RNF150: variants seen among roughly 807,000 people sequenced by gnomAD.
The protein encoded by RNF150 is ring finger protein 150.
RNF150 carries 24 observed loss-of-function variants against 39.3 expected under a neutral mutation model. That is an observed-to-expected ratio of 0.61 (90% CI 0.44 to 0.86). RNF150 has a LOEUF of 0.86. Among genes scored for constraint, RNF150 ranks in the 40% least tolerant of loss-of-function variants. The pLI is 0.00. For missense variants in RNF150, 502 were observed against 587.8 expected (o/e 0.85, Z 1.51); for synonymous variants, 255 against 227.3 (o/e 1.12, Z -1.10).
At chr4:140,911,720 C>T (rs1194790449) in intron 5 of RNF150, among the ~76,000 whole-genome samples, 2 of 152,120 alleles carry the variant, frequency 1.3e-5, no homozygotes, top group African/African-American at 4.8e-5. Flanking sequence ...TTATTCCACA[C>T]CTAGAATGTA....
At chr4:141,081,649 C>T (rs1445497690) in intron 1 of RNF150, among the ~76,000 whole-genome samples, 2 of 152,114 alleles carry the variant, frequency 1.3e-5, no homozygotes, top group African/African-American at 4.8e-5. Context: ...GTGAGGTCCA[C>T]AATATTTTAG....
At chr4:141,118,155 C>A (rs1366826640) in intron 1 of RNF150, among the ~76,000 whole-genome samples, 1 of 152,100 alleles carries the variant, frequency 6.6e-6, no homozygotes, top group Admixed American at 6.6e-5. Flanking sequence ...AGTGTCAGAC[C>A]CGTTACATGG....
chr4:141,046,196 T>C (rs1736568770), intron 1 of RNF150, among the ~76,000 whole-genome samples: 1 of 152,196 alleles, frequency 6.6e-6, no homozygotes, highest in African/African-American at 2.4e-5. Flanking sequence ...AATACAAGCT[T>C]GGTCTGACTG....
At chr4:140,982,588 C>T (rs75407765) in intron 1 of RNF150, among the ~76,000 whole-genome samples, 1 of 142,146 alleles carries the variant, frequency 7.0e-6, no homozygotes, top group Non-Finnish European at 1.5e-5. Context: ...ACTAACAAAA[C>T]CTTGCAGGTC....
At chr4:140,970,976 C>G (rs1277604475) in intron 1 of RNF150, among the ~76,000 whole-genome samples, 2 of 151,750 alleles carry the variant, frequency 1.3e-5, no homozygotes, top group East Asian at 3.9e-4. Flanking sequence ...TGTATTTATC[C>G]TAATAGAAAC....
chr4:141,084,067 T>G (rs914381303), intron 1 of RNF150, among the ~76,000 whole-genome samples: 4 of 152,230 alleles, frequency 2.6e-5, no homozygotes, highest in Non-Finnish European at 5.9e-5. Flanking sequence ...GAATGCATAT[T>G]CAAATAGAAT....
intron 1 of RNF150, among the ~76,000 whole-genome samples, chr4:141,074,724 T>C (rs984490545): frequency 6.6e-6 from 1 of 152,156 alleles, no homozygotes. Context: ...GTGCCTCTCA[T>C]TGCCAAACCT....
At chr4:141,053,783 C>A in intron 1 of RNF150, 1 of 975,438 alleles carries the variant, frequency 1.0e-6, no homozygotes, top group South Asian at 2.8e-5. Context: ...GATCCAGCTT[C>A]ATTTCCTCTG....
intron 1 of RNF150, among the ~76,000 whole-genome samples, chr4:140,991,942 C>G (rs79568695): frequency 1.3e-5 from 2 of 151,980 alleles, no homozygotes; most frequent in African/African-American, 4.8e-5. Context: ...TAAAATAATA[C>G]AAAATGTCTT....
intron 1 of RNF150, among the ~76,000 whole-genome samples, chr4:140,989,949 G>T (rs1208836699): frequency 1.3e-5 from 2 of 151,978 alleles, no homozygotes; most frequent in Non-Finnish European, 2.9e-5. Context: ...TGAAAGCATG[G>T]ACTTACCTGC....
chr4:141,099,212 TA>T (rs933356383), intron 1 of RNF150, among the ~76,000 whole-genome samples: 3 of 152,118 alleles, frequency 2.0e-5, no homozygotes, highest in Non-Finnish European at 4.4e-5. Flanking sequence ...GCACTGTAAT[TA>T]CTCTAAAAGA....
intron 1 of RNF150, among the ~76,000 whole-genome samples, chr4:140,990,037 T>C (rs538379847): frequency 2.4e-4 from 36 of 152,346 alleles, no homozygotes; most frequent in African/African-American, 8.2e-4. Context: ...TCAGCATCTA[T>C]TTGAAAGTTC....
At chr4:141,182,971 A>G (rs1727937636) in intron 1 of RNF150, among the ~76,000 whole-genome samples, 1 of 152,120 alleles carries the variant, frequency 6.6e-6, no homozygotes, top group Non-Finnish European at 1.5e-5. Flanking sequence ...TGGTACTGGT[A>G]CCAAAACAGA....
At chr4:141,200,708 C>A (rs749230136) in intron 1 of RNF150, among the ~76,000 whole-genome samples, 1 of 151,794 alleles carries the variant, frequency 6.6e-6, no homozygotes, top group Non-Finnish European at 1.5e-5. Flanking sequence ...GGCTCTTCTG[C>A]AAAAAAATGT....
At chr4:141,154,544 C>G (rs768433760) in intron 1 of RNF150, among the ~76,000 whole-genome samples, 1 of 152,146 alleles carries the variant, frequency 6.6e-6, no homozygotes, top group Non-Finnish European at 1.5e-5. Context: ...CACTCGAGAA[C>G]AAGTGGAGGC....
intron 1 of RNF150, among the ~76,000 whole-genome samples, chr4:140,999,954 G>C (rs1275533216): frequency 2.7e-5 from 1 of 37,036 alleles, no homozygotes; most frequent in Admixed American, 4.8e-4. Flanking sequence ...AGAAGAAGAA[G>C]AAGAAGAAGA....
chr4:141,143,360 AAG>A (rs1727151837), intron 1 of RNF150, among the ~76,000 whole-genome samples: 1 of 152,134 alleles, frequency 6.6e-6, no homozygotes. Context: ...CACTCCAGCT[AAG>A]AGTTTTTTAT....
At chr4:140,892,779 G>A (rs1330806835) in intron 6 of RNF150, among the ~76,000 whole-genome samples, 2 of 151,820 alleles carry the variant, frequency 1.3e-5, no homozygotes, top group African/African-American at 4.9e-5. Context: ...GGTCTGTGGA[G>A]GCTGGTGTAG....
At chr4:140,942,678 T>C (rs1227403870) in intron 4 of RNF150, among the ~76,000 whole-genome samples, 1 of 152,210 alleles carries the variant, frequency 6.6e-6, no homozygotes. Flanking sequence ...TTATCCCTAA[T>C]CCAAATAGCC....
Sources: allele counts gnomAD v4.1 joint callset (sites outside exome capture counted in the v4.1 genomes callset), GRCh38; gene constraint gnomAD v4.1.1; transcripts MANE v1.5; gene names NCBI Gene and HGNC (gene_info 2026-07-23, HGNC 2026-07-21).